Variants in WWC1 observed in about 807,000 individuals in gnomAD.
WWC1 encodes protein KIBRA.
Under a neutral mutation model 138.4 loss-of-function variants are expected in WWC1, and 55 were observed. The ratio of observed to expected loss-of-function variants is 0.40; its 90% confidence interval spans 0.32 to 0.50. The LOEUF is 0.50. Ranked by LOEUF, WWC1 falls within the 20% of genes least tolerant of loss-of-function variation. WWC1 has a pLI of 0.72. For synonymous variants in WWC1, 524 were observed against 564.9 expected (o/e 0.93, Z 1.03); for missense variants, 1,226 against 1,420.4 (o/e 0.86, Z 2.20).
At chr5:168,367,484 A>C (rs2152804595) in intron 1 of WWC1, among the ~76,000 whole-genome samples, 2 of 149,310 alleles carry the variant, frequency 1.3e-5, no homozygotes. Context: ...GGCGCCCGCC[A>C]CTGCGCCCGG....
chr5:168,407,384 C>T (rs902549821), intron 6 of WWC1, among the ~76,000 whole-genome samples: 2 of 152,180 alleles, frequency 1.3e-5, no homozygotes, highest in Admixed American at 1.3e-4. Context: ...GACTTACAGA[C>T]CCATTCTCTT....
intron 2 of WWC1, among the ~76,000 whole-genome samples, chr5:168,372,729 C>A (rs750634156): frequency 6.6e-6 from 1 of 152,196 alleles, no homozygotes; most frequent in Non-Finnish European, 1.5e-5. Flanking sequence ...TCTCCACCTA[C>A]TTCCTCTTCT....
intron 1 of WWC1, among the ~76,000 whole-genome samples, chr5:168,356,739 G>A (rs1775452788): frequency 6.6e-6 from 1 of 152,202 alleles, no homozygotes; most frequent in African/African-American, 2.4e-5. Context: ...AGGAGTAGGA[G>A]ACAGAGGCCT....
rs1781285774 is a variant in WWC1 at position 168,423,569 on chromosome 5, C to T, written c.1311C>T (p.Ser437=). The T allele has an allele frequency of 1.9e-6, 3 of 1,613,666 alleles. No individual in the cohort carries two copies. The highest frequency in any genetic ancestry group is 1.3e-5 in the African/African-American group (1 of 75,036). The stretch of plus-strand genomic sequence containing the variant: ...GCATGCAGTCCCTGTCCTCAGGCAG[C>T]AGCCCCGGATCCCTCACGTCCAGCC... ...SSSMQSLSSG[S]SPGSLTSSRG... The change falls in exon 11 of 23, where the codon AGC becomes AGT. Residue 437 remains serine (S), a synonymous_variant. Transcript: ENST00000265293.
At chr5:168,358,254 C>T (rs1464092757) in intron 1 of WWC1, among the ~76,000 whole-genome samples, 2 of 152,096 alleles carry the variant, frequency 1.3e-5, no homozygotes, top group Admixed American at 1.3e-4. Flanking sequence ...ATACAGTGGT[C>T]CTGGAGGGAT....
chr5:168,342,801 G>A (rs767403228), intron 1 of WWC1, among the ~76,000 whole-genome samples: 1 of 152,162 alleles, frequency 6.6e-6, no homozygotes, highest in Non-Finnish European at 1.5e-5. Context: ...GCAAAGAACC[G>A]GAGGATGCAA....
At chr5:168,351,014 G>A (rs369177556) in intron 1 of WWC1, among the ~76,000 whole-genome samples, 3 of 152,206 alleles carry the variant, frequency 2.0e-5, no homozygotes. Flanking sequence ...GGGCGTGGTG[G>A]TGCATGCCTG....
chr5:168,348,613 A>G (rs1478515099), intron 1 of WWC1, among the ~76,000 whole-genome samples: 1 of 152,180 alleles, frequency 6.6e-6, no homozygotes, highest in Non-Finnish European at 1.5e-5. Context: ...GGCCATCACA[A>G]ACAAGGACTT....
rs574681321 is a variant in WWC1, at chr5:168,435,658, G to A, written c.2280+4214G>A. ...ACTCCTGGGCTCAGGCAGTCCTCCC[G>A]CCTCAGCCTCTCAAAGGGCTGGGGT... On this transcript the variant is annotated intron_variant, in intron 15 of 22. Transcript: ENST00000265293. Among the ~76,000 whole-genome samples, 10 of 152,122 alleles carry A rather than the reference G, an allele frequency of 6.6e-5. No individual in the cohort carries two copies. The South Asian group carries it at 8.3e-4, about 13-fold the overall frequency.
intron 1 of WWC1, among the ~76,000 whole-genome samples, chr5:168,295,005 C>G (rs951635375): frequency 6.6e-6 from 1 of 152,172 alleles, no homozygotes; most frequent in African/African-American, 2.4e-5. Flanking sequence ...GGCCCCTGAA[C>G]TTGGGGTCCT....
chr5:168,425,646 C>A (rs1179883676), intron 11 of WWC1, among the ~76,000 whole-genome samples: 5 of 147,466 alleles, frequency 3.4e-5, no homozygotes, highest in Non-Finnish European at 7.4e-5. Context: ...TGCACATCAC[C>A]ATGCCTGGCT....
Position 168,441,807 on chromosome 5 carries a change from G to A in WWC1, c.2406G>A (p.Met802Ile), listed in dbSNP as rs1385574081. 6 of 1,613,944 alleles carry A rather than the reference G, an allele frequency of 3.7e-6. No individual in the cohort carries two copies. In the African/African-American group the frequency reaches 8.0e-5, roughly 22 times the overall value. Residue 802 changes from methionine to isoleucine, a missense_variant, in exon 16 of 23, where the codon ATG becomes ATA. Coordinates refer to ENST00000265293, the MANE Select transcript of WWC1 (RefSeq NM_015238.3). ...QSRELKPVGV[M>I]APASGPASTD... ...GGGAGCTCAAGCCAGTGGGAGTCAT[G>A]GCCCCTGCCTCAGGGCCTGCCAGCA...
At chr5:168,467,815 T>G in intron 21 of WWC1, 25 bp from the exon 22 acceptor site, 8 of 1,614,058 alleles carry the variant, frequency 5.0e-6, no homozygotes, top group African/African-American at 1.3e-5. Flanking sequence ...CTCCACTGAC[T>G]CAGGGCCTTG....
At chr5:168,428,924 G>A in intron 13 of WWC1, 137 bp downstream of exon 13, 1 of 771,232 alleles carries the variant, frequency 1.3e-6, no homozygotes, top group East Asian at 2.8e-5. Context: ...GGCCATTGCA[G>A]CTTCTTAACT....
intron 17 of WWC1, among the ~76,000 whole-genome samples, chr5:168,451,558 G>C (rs1015011547): frequency 6.6e-6 from 1 of 151,972 alleles, no homozygotes; most frequent in Non-Finnish European, 1.5e-5. Flanking sequence ...TAAATTAGCC[G>C]GGCATGGTGG....
intron 1 of WWC1, among the ~76,000 whole-genome samples, chr5:168,309,184 C>T (rs1367109020): frequency 6.8e-6 from 1 of 147,884 alleles, no homozygotes; most frequent in Non-Finnish European, 1.5e-5. Context: ...ATTTTGCACT[C>T]TTCTCCCTCT....
At chr5:168,302,536 C>T (rs929581718) in intron 1 of WWC1, among the ~76,000 whole-genome samples, 8 of 152,064 alleles carry the variant, frequency 5.3e-5, no homozygotes, top group Admixed American at 2.6e-4. Context: ...GATTTGAAGC[C>T]GGGAGACCTT....
intron 17 of WWC1, among the ~76,000 whole-genome samples, chr5:168,445,922 A>T (rs1194169160): frequency 2.6e-5 from 4 of 152,074 alleles, no homozygotes; most frequent in Admixed American, 2.6e-4. Context: ...AAAAGAGAGC[A>T]TGCCTGTGTA....
At chr5:168,357,448 C>CTGTG (rs67198550) in intron 1 of WWC1, among the ~76,000 whole-genome samples, 1,443 of 134,484 alleles carry the variant, frequency 0.011, 13 homozygotes, top group Middle Eastern at 0.028. Context: ...AACCTGCCTT[C>CTGTG]TGTGTGTGTG....
Sources: allele counts gnomAD v4.1 joint callset (sites outside exome capture counted in the v4.1 genomes callset), GRCh38; gene constraint gnomAD v4.1.1; transcripts MANE v1.5; gene names NCBI Gene and HGNC (gene_info 2026-07-23, HGNC 2026-07-21).